Variants in HYDIN observed in about 807,000 individuals in gnomAD.
HYDIN encodes the protein axonemal central pair apparatus protein HYDIN.
HYDIN carries 132 observed loss-of-function variants against 403.9 expected under a neutral mutation model. That is an observed-to-expected ratio of 0.33 (90% CI 0.28 to 0.38). HYDIN has a LOEUF of 0.38. HYDIN is among the 10% of genes least tolerant of loss of function. HYDIN has a pLI of 1.00. For synonymous variants in HYDIN, 1,202 were observed against 1,891.7 expected, an observed-to-expected ratio of 0.64 and a Z score of 9.46; for missense variants, 2,827 against 5,009.5, an observed-to-expected ratio of 0.56 and a Z score of 13.15.
intron 22 of HYDIN, among the ~76,000 whole-genome samples, chr16:71,018,772 T>A (rs2080355491): frequency 6.6e-6 from 1 of 152,296 alleles, no homozygotes; most frequent in Non-Finnish European, 1.5e-5. Flanking sequence ...TTATAAGAAT[T>A]GAGGAGTTGT....
At position 71,000,772 on chromosome 16, in the gene HYDIN, A is replaced by C. The variant is rs146993297; in HGVS notation, c.3645-8562T>G. 9.9e-5 allele frequency among the ~76,000 whole-genome samples: 15 copies of C among 152,062 alleles called. No homozygotes were observed. The East Asian group carries it at 2.9e-3, about 30-fold the overall frequency. ...ATTAGCTGACCCACCGCAGCAGAAG[A>C]GGAGATTCTAGATGAACAGGCTATA... On this transcript the variant is annotated intron_variant, in intron 23 of 85. Transcript: ENST00000393567.
chr16:70,931,243 GGTCTTGCTGTGTT>G (rs377364658), intron 45 of HYDIN, among the ~76,000 whole-genome samples: 1,449 of 108,190 alleles, frequency 0.013, 9 homozygotes, highest in African/African-American at 0.046. Flanking sequence ...TTTAATACAG[GGTCTTGCTGTGTT>G]GTCCAGGCTG....
chr16:70,810,414 C>G (rs555235458), intron 84 of HYDIN, among the ~76,000 whole-genome samples: 6 of 152,322 alleles, frequency 3.9e-5, no homozygotes, highest in Admixed American at 6.5e-5. Context: ...AAAGCAAGAA[C>G]AGAAAGCATT....
intron 13 of HYDIN, among the ~76,000 whole-genome samples, chr16:71,074,272 T>C (rs1273142423): frequency 6.6e-6 from 1 of 151,200 alleles, no homozygotes; most frequent in African/African-American, 2.4e-5. Context: ...AGTTTCACTT[T>C]TGCATCAGGA....
At chr16:71,115,981 T>G (rs1342682347) in intron 9 of HYDIN, among the ~76,000 whole-genome samples, 186 bp from the exon 10 acceptor site, 1 of 152,136 alleles carries the variant, frequency 6.6e-6, no homozygotes, top group Admixed American at 6.5e-5. Flanking sequence ...AATCAACACA[T>G]CTATCTCCTC....
At chr16:71,227,933 A>T (rs2041112019) in intron 1 of HYDIN, among the ~76,000 whole-genome samples, 1 of 152,194 alleles carries the variant, frequency 6.6e-6, no homozygotes, top group South Asian at 2.1e-4. Context: ...ACAGTAACCA[A>T]AACAGCATGG....
intron 5 of HYDIN, among the ~76,000 whole-genome samples, chr16:71,173,259 C>A (rs2086539838): frequency 6.6e-6 from 1 of 152,172 alleles, no homozygotes; most frequent in Non-Finnish European, 1.5e-5. Context: ...AACTTTCAAA[C>A]ATTTAGAAGT....
At chr16:71,218,882 T>C (rs2089038636) in intron 1 of HYDIN, among the ~76,000 whole-genome samples, 1 of 152,218 alleles carries the variant, frequency 6.6e-6, no homozygotes, top group Non-Finnish European at 1.5e-5. Context: ...TCATATGATA[T>C]CATCTATAAT....
chr16:71,228,464 A>C (rs2144780678), intron 1 of HYDIN, among the ~76,000 whole-genome samples: 1 of 152,362 alleles, frequency 6.6e-6, no homozygotes, highest in African/African-American at 2.4e-5. Context: ...CAAATTTACA[A>C]GAAAAAAACA....
intron 23 of HYDIN, among the ~76,000 whole-genome samples, chr16:71,017,323 C>T (rs959646808): frequency 1.0e-4 from 15 of 146,506 alleles, no homozygotes; most frequent in African/African-American, 3.9e-4. Context: ...GCACTCCAGC[C>T]TGGGCGACAA....
In HYDIN at chr16:70,944,635, C is replaced by T. The variant is rs146478796; in HGVS notation, c.6532-686G>A. Among the ~76,000 whole-genome samples the T allele has an allele frequency of 5.3e-5, 8 of 152,186 alleles. No individual in the cohort carries two copies. The East Asian group carries it at 7.7e-4, about 15-fold the overall frequency. ...AGGCTGAAGGTTAAAGACACCACAC[C>T]GCCAGGACCAGAATACGCAGGGCCT... On this transcript the variant is annotated intron_variant, in intron 41 of 85. Transcript: ENST00000393567.
intron 30 of HYDIN, among the ~76,000 whole-genome samples, chr16:70,977,232 GC>G (rs2078913325): frequency 6.9e-6 from 1 of 145,020 alleles, no homozygotes; most frequent in African/African-American, 2.5e-5. Context: ...AGCTGGGCAG[GC>G]CTGGTTTCAA....
intron 40 of HYDIN, among the ~76,000 whole-genome samples, chr16:70,954,396 T>G: frequency 8.2e-6 from 1 of 121,680 alleles, no homozygotes; most frequent in Non-Finnish European, 1.7e-5. Flanking sequence ...GAGGCTGCAG[T>G]GAGCTATGAT....
At chr16:71,089,610 A>T (rs2083047923) in intron 11 of HYDIN, among the ~76,000 whole-genome samples, 1 of 152,208 alleles carries the variant, frequency 6.6e-6, no homozygotes, top group African/African-American at 2.4e-5. Flanking sequence ...TCTGGAGCAA[A>T]GGTTACAGAC....
intron 12 of HYDIN, among the ~76,000 whole-genome samples, chr16:71,081,530 G>A (rs796857397): frequency 1.3e-5 from 2 of 151,992 alleles, no homozygotes; most frequent in African/African-American, 4.8e-5. Context: ...TCCGACATGC[G>A]CAAGATGCTA....
chr16:71,078,641 G>T (rs2082688877), intron 13 of HYDIN, among the ~76,000 whole-genome samples: 1 of 152,050 alleles, frequency 6.6e-6, no homozygotes, highest in Non-Finnish European at 1.5e-5. Flanking sequence ...GGTAGCTGGG[G>T]CGACAGGTAC....
intron 43 of HYDIN, among the ~76,000 whole-genome samples, chr16:70,939,611 A>G (rs1208933876): frequency 6.6e-6 from 1 of 152,148 alleles, no homozygotes; most frequent in Non-Finnish European, 1.5e-5. Context: ...ATGAGGGAGG[A>G]GTTATCATTC....
chr16:71,107,568 A>T (rs1355846043), intron 10 of HYDIN, among the ~76,000 whole-genome samples: 13 of 152,208 alleles, frequency 8.5e-5, no homozygotes, highest in Non-Finnish European at 1.9e-4. Flanking sequence ...AGCATATGAA[A>T]AAAAGCTCAA....
chr16:71,065,630 C>T lies in HYDIN; in HGVS notation c.2076-790G>A, dbSNP rs543878815. On this transcript the variant is annotated intron_variant, in intron 15 of 85. Transcript: ENST00000393567. ...CCTTACTAAGTACAACCTGTGTAACCTTGGGCAAGATGCTTTCTGTCTCAG... is the reference window on the plus strand; with the variant it reads ...CCTTACTAAGTACAACCTGTGTAACTTTGGGCAAGATGCTTTCTGTCTCAG... Among the ~76,000 whole-genome samples the T allele has an allele frequency of 5.3e-5, 8 of 152,290 alleles. No homozygotes were observed. In the South Asian group the frequency reaches 1.0e-3, roughly 20 times the overall value.
Sources: allele counts gnomAD v4.1 joint callset (sites outside exome capture counted in the v4.1 genomes callset), GRCh38; gene constraint gnomAD v4.1.1; transcripts MANE v1.5; gene names NCBI Gene and HGNC (gene_info 2026-07-23, HGNC 2026-07-21).